Variants in SHC4 observed in about 807,000 individuals in gnomAD.
SHC4 encodes SHC adaptor protein 4.
In SHC4, 41 loss-of-function variants were observed where a neutral mutation model predicts 69.4. The ratio of observed to expected loss-of-function variants is 0.59; its 90% CI spans 0.46 to 0.77. The LOEUF (loss-of-function observed/expected upper bound fraction) is 0.77. Ranked by LOEUF, SHC4 falls within the 30% of genes least tolerant of loss-of-function variation. The probability of loss-of-function intolerance (pLI) is 0.00; values close to 1 mark genes in which losing one functional copy is unlikely to be tolerated. For missense variants in SHC4, 777 were observed against 783.8 expected, an observed-to-expected ratio of 0.99 and a Z score of 0.10; for synonymous variants, 318 against 299.3, an observed-to-expected ratio of 1.06 and a Z score of -0.64.
intron 1 of SHC4, among the ~76,000 whole-genome samples, chr15:48,950,920 G>A (rs1195489057): frequency 6.6e-6 from 1 of 152,048 alleles, no homozygotes; most frequent in Admixed American, 6.6e-5. Context: ...AACACTCCAC[G>A]GATTTTGACA....
rs984232663 is a variant in SHC4, at chr15:48,924,169, A to G, written c.656+710T>C. On this transcript the variant is annotated intron_variant, in intron 2 of 11. Transcript: ENST00000332408. Reference sequence around the variant, plus strand: ...TGAGACACACCTTGGCACCACATCCAATGGATGCCCAAGTCTTCATTCTGA... The same window carrying G: ...TGAGACACACCTTGGCACCACATCCGATGGATGCCCAAGTCTTCATTCTGA... Among the ~76,000 whole-genome samples, 5 of 152,104 alleles carry G rather than the reference A, an allele frequency of 3.3e-5. No individual in the cohort carries two copies. The East Asian group carries it at 9.6e-4, about 29-fold the overall frequency.
In SHC4 at chr15:48,963,258, C is replaced by T; in HGVS notation, c.-243G>A. ...GCCCAGGCAGAGGCACCAGTGTTCT[C>T]GCCTTGGAATCCTTGTCGGGAGAGC... On this transcript the variant is annotated 5_prime_UTR_variant, in exon 1 of 12. Coordinates refer to ENST00000332408, the MANE Select transcript of SHC4 (RefSeq NM_203349.4). 2.1e-6 allele frequency: 1 copy of T among 471,068 alleles called. No individual in the cohort carries two copies. The highest frequency in any genetic ancestry group is 3.7e-6 in the Non-Finnish European group (1 of 268,890). 29.2% of individuals were successfully genotyped at this position (471,068 alleles called of 1,614,324 possible).
chr15:48,961,260 T>C (rs1442699680), intron 1 of SHC4, among the ~76,000 whole-genome samples: 1 of 152,212 alleles, frequency 6.6e-6, no homozygotes, highest in African/African-American at 2.4e-5. Context: ...CCTACAAACC[T>C]AGGAGGATTC....
chr15:48,842,553 A>C (rs1899011532), intron 10 of SHC4, among the ~76,000 whole-genome samples: 1 of 152,240 alleles, frequency 6.6e-6, no homozygotes, highest in African/African-American at 2.4e-5. Flanking sequence ...GTAAAGAAAG[A>C]AAACTCAATC....
chr15:48,900,520 G>GA (rs1239998491), intron 2 of SHC4, among the ~76,000 whole-genome samples: 1 of 150,324 alleles, frequency 6.7e-6, no homozygotes, highest in Admixed American at 6.7e-5. Context: ...AAAAAAAAAA[G>GA]AAAAAAAGAA....
At chr15:48,826,226 G>C in intron 11 of SHC4, 100 bp from the exon 12 acceptor site, 6 of 1,066,774 alleles carry the variant, frequency 5.6e-6, no homozygotes, top group Non-Finnish European at 6.5e-6. Flanking sequence ...CCCTAAAGTA[G>C]ATACTTTGCT....
chr15:48,957,511 A>G (rs1474853226), intron 1 of SHC4, among the ~76,000 whole-genome samples: 1 of 152,210 alleles, frequency 6.6e-6, no homozygotes, highest in Non-Finnish European at 1.5e-5. Context: ...GTGATAAGAT[A>G]CCTTAGACAG....
chr15:48,827,550 C>CTTCTGCCTCCA (rs58392215), intron 11 of SHC4, among the ~76,000 whole-genome samples: 128,685 of 151,814 alleles, frequency 0.85, 54,853 homozygotes, highest in East Asian at 1. Flanking sequence ...CTTTGTATTT[C>CTTCTGCCTCCA]TTCTGCCTCA....
At chr15:48,882,493 G>T (rs1057137862) in intron 4 of SHC4, among the ~76,000 whole-genome samples, 1 of 152,136 alleles carries the variant, frequency 6.6e-6, no homozygotes, top group Non-Finnish European at 1.5e-5. Context: ...AAAGATTATG[G>T]ATGGGTAGTA....
At chr15:48,937,209 A>G (rs1042516643) in intron 1 of SHC4, among the ~76,000 whole-genome samples, 2 of 152,176 alleles carry the variant, frequency 1.3e-5, no homozygotes, top group Admixed American at 1.3e-4. Context: ...TGAGACCTGA[A>G]TAGGTAGGTG....
intron 1 of SHC4, among the ~76,000 whole-genome samples, chr15:48,953,542 A>G (rs982968318): frequency 2.0e-5 from 3 of 152,220 alleles, no homozygotes; most frequent in African/African-American, 7.2e-5. Context: ...TCTTGGTGTC[A>G]GTTTCCTCTC....
chr15:48,846,607 T>C (rs1433498371), intron 9 of SHC4, among the ~76,000 whole-genome samples: 4 of 152,204 alleles, frequency 2.6e-5, no homozygotes, highest in Non-Finnish European at 4.4e-5. Flanking sequence ...TGCAAGAATC[T>C]GTTTACTTCT....
At chr15:48,843,044 T>A (rs1899022594) in intron 10 of SHC4, among the ~76,000 whole-genome samples, 1 of 152,186 alleles carries the variant, frequency 6.6e-6, no homozygotes, top group Admixed American at 6.5e-5. Context: ...GATCTTGAGA[T>A]GAGATTAGTC....
chr15:48,890,511 A>G (rs1362449026), intron 3 of SHC4, among the ~76,000 whole-genome samples: 1 of 152,206 alleles, frequency 6.6e-6, no homozygotes, highest in Non-Finnish European at 1.5e-5. Flanking sequence ...CATTTCTGAC[A>G]TAAAGCCCAG....
Position 48,884,264 on chromosome 15 carries a change from T to C in SHC4, c.824A>G (p.Asn275Ser), listed in dbSNP as rs778518641. Residue 275 changes from asparagine (N) to serine (S), a missense_variant, in exon 4 of 12, where the codon AAT becomes AGT. Physicochemically the swap from Asn to Ser is conservative, Grantham distance 46. Coordinates refer to ENST00000332408, the MANE Select transcript of SHC4 (RefSeq NM_203349.4). ...TISTCSLTLM[N>S]LDNQQIIANH... The stretch of plus-strand genomic sequence containing the variant: ...TGATCTTACCTGTTGGTTGTCAAGA[T>C]TCATCAATGTGAGACTGCATGTTGA... 1.9e-6 allele frequency: 3 copies of C among 1,599,480 alleles called. No individual in the cohort carries two copies. The South Asian group carries it at 3.4e-5, about 18-fold the overall frequency.
At chr15:48,846,995 AAAAG>A (rs998073353) in intron 9 of SHC4, among the ~76,000 whole-genome samples, 5 of 151,960 alleles carry the variant, frequency 3.3e-5, no homozygotes, top group African/African-American at 9.6e-5. Flanking sequence ...ACTGAAAAAA[AAAAG>A]AAAGAAAGGA....
At chr15:48,920,096 G>T (rs111737456) in intron 2 of SHC4, among the ~76,000 whole-genome samples, 2,800 of 150,922 alleles carry the variant, frequency 0.019, 79 homozygotes, top group East Asian at 0.095. Context: ...CTCACTGCAA[G>T]CTCCGCCTCC....
intron 1 of SHC4, among the ~76,000 whole-genome samples, chr15:48,961,320 C>T (rs1901542095): frequency 6.6e-6 from 1 of 152,222 alleles, no homozygotes; most frequent in African/African-American, 2.4e-5. Flanking sequence ...CATTTAAGAG[C>T]TTCAGTCAAC....
At chr15:48,876,058 T>G (rs1351876594) in intron 4 of SHC4, among the ~76,000 whole-genome samples, 1 of 152,224 alleles carries the variant, frequency 6.6e-6, no homozygotes, top group African/African-American at 2.4e-5. Context: ...AGAGAGCTGC[T>G]TCAGAGATTT....
Sources: allele counts gnomAD v4.1 joint callset (sites outside exome capture counted in the v4.1 genomes callset), GRCh38; gene constraint gnomAD v4.1.1; transcripts MANE v1.5; gene names NCBI Gene and HGNC (gene_info 2026-07-23, HGNC 2026-07-21).